The following NHS variants were observed in gnomAD, a reference collection of about 807,000 sequenced individuals.
NHS encodes the protein NHS actin remodeling regulator, also known as actin remodeling regulator NHS.
NHS carries 5 observed loss-of-function variants against 72.5 expected under a neutral mutation model. That is an observed-to-expected ratio of 0.07 (90% CI 0.04 to 0.14). The LOEUF (loss-of-function observed/expected upper bound fraction) is 0.14. Ranked by LOEUF, NHS falls within the 10% of genes least tolerant of loss-of-function variation. The pLI, the probability that NHS is intolerant of heterozygous loss-of-function variation, is 1.00. For missense variants in NHS, 1,072 were observed against 1,355.7 expected (o/e 0.79, Z 3.29); for synonymous variants, 464 against 547.7 (o/e 0.85, Z 2.13).
chrX:17,441,989 C>T (rs1435951836), intron 1 of NHS, among the ~76,000 whole-genome samples: 1 of 111,778 alleles, frequency 8.9e-6, no homozygotes, highest in Non-Finnish European at 1.9e-5. Context: ...CACCCCTGTC[C>T]CCAAGTTTCT....
intron 1 of NHS, among the ~76,000 whole-genome samples, chrX:17,611,458 A>G (rs752977249): frequency 1.8e-5 from 2 of 112,021 alleles, no homozygotes; most frequent in Non-Finnish European, 3.8e-5. Flanking sequence ...CCCTCCCCCT[A>G]CGGAAACATA....
intron 1 of NHS, among the ~76,000 whole-genome samples, chrX:17,527,834 C>T (rs2065180431): frequency 9.0e-6 from 1 of 111,272 alleles, no homozygotes; most frequent in Admixed American, 9.5e-5. Flanking sequence ...CTTCACTGCC[C>T]CCTTGGCCTG....
intron 1 of NHS, among the ~76,000 whole-genome samples, chrX:17,609,102 G>C (rs2065696364): frequency 9.0e-6 from 1 of 111,675 alleles, no homozygotes; most frequent in East Asian, 2.8e-4. Flanking sequence ...GGCTGTGCCA[G>C]GCCTCCAGGA....
chrX:17,600,826 A>G (rs746556904), intron 1 of NHS, among the ~76,000 whole-genome samples: 1 of 109,896 alleles, frequency 9.1e-6, no homozygotes, highest in Non-Finnish European at 1.9e-5. Context: ...AGAGAAGGAG[A>G]GAGAAAGGAG....
intron 5 of NHS, 25 bp downstream of exon 5, chrX:17,721,658 G>C: frequency 8.7e-7 from 1 of 1,154,901 alleles, no homozygotes; most frequent in Non-Finnish European, 1.2e-6. Flanking sequence ...TTTTCTTAGG[G>C]GCAGTCGGGT....
At chrX:17,702,382 C>G (rs1241125149) in intron 3 of NHS, among the ~76,000 whole-genome samples, 1 of 111,797 alleles carries the variant, frequency 8.9e-6, no homozygotes, top group African/African-American at 3.3e-5. Context: ...TTAAATGGAA[C>G]AGTAAGGCAT....
chrX:17,509,380 T>G (rs1460054340), intron 1 of NHS, among the ~76,000 whole-genome samples: 1 of 110,208 alleles, frequency 9.1e-6, no homozygotes, highest in Non-Finnish European at 1.9e-5. Flanking sequence ...GCACCCGCCA[T>G]GATGCCCAGC....
At chrX:17,709,496 T>A (rs2066316336) in intron 3 of NHS, among the ~76,000 whole-genome samples, 1 of 109,615 alleles carries the variant, frequency 9.1e-6, no homozygotes, top group Non-Finnish European at 1.9e-5. Context: ...TTCCATGTGC[T>A]TTATCAGTCA....
At chrX:17,503,819 G>T (rs1281834649) in intron 1 of NHS, among the ~76,000 whole-genome samples, 1 of 111,349 alleles carries the variant, frequency 9.0e-6, no homozygotes, top group Non-Finnish European at 1.9e-5. Flanking sequence ...ATTATTTTGG[G>T]TAAAATATTC....
intron 1 of NHS, among the ~76,000 whole-genome samples, chrX:17,380,791 T>C (rs1292369230): frequency 9.0e-6 from 1 of 111,559 alleles, no homozygotes. Context: ...GAAGGGTGAA[T>C]TGATGATCCT....
intron 1 of NHS, among the ~76,000 whole-genome samples, chrX:17,386,629 C>T (rs186261630): frequency 0.031 from 3,003 of 97,704 alleles, 142 homozygotes; most frequent in African/African-American, 0.11. Flanking sequence ...CACCATTGCA[C>T]GCCAGCCTGG....
intron 1 of NHS, among the ~76,000 whole-genome samples, chrX:17,618,567 A>G (rs1377899961): frequency 8.9e-6 from 1 of 112,058 alleles, no homozygotes; most frequent in African/African-American, 3.2e-5. Context: ...CTCACTTTGG[A>G]ATAGAGACAT....
chrX:17,516,855 G>A (rs2065124373), intron 1 of NHS, among the ~76,000 whole-genome samples: 1 of 112,155 alleles, frequency 8.9e-6, no homozygotes, highest in South Asian at 3.7e-4. Flanking sequence ...AAAAGCAAAA[G>A]CTTGTTGCAT....
intron 8 of NHS, among the ~76,000 whole-genome samples, chrX:17,730,914 T>C (rs1255837626): frequency 8.9e-6 from 1 of 111,839 alleles, no homozygotes; most frequent in Non-Finnish European, 1.9e-5. Context: ...TAGGAAATGA[T>C]ACTTGCAGCC....
intron 3 of NHS, among the ~76,000 whole-genome samples, chrX:17,696,483 G>A (rs898066482): frequency 8.0e-5 from 9 of 112,210 alleles, no homozygotes; most frequent in East Asian, 2.8e-4. Context: ...AAACAGGAGC[G>A]TTTGCCAGAG....
intron 1 of NHS, among the ~76,000 whole-genome samples, chrX:17,537,187 C>G (rs768818429): frequency 1.8e-5 from 2 of 112,266 alleles, no homozygotes; most frequent in African/African-American, 6.5e-5. Context: ...AGTGAAGTTT[C>G]TGGTAGATGT....
chrX:17,713,044 T>C (rs1215442410), intron 3 of NHS, among the ~76,000 whole-genome samples: 1 of 111,674 alleles, frequency 9.0e-6, no homozygotes, highest in East Asian at 2.8e-4. Flanking sequence ...AGAATGATGT[T>C]ACTAAACATG....
At chrX:17,605,739 T>G (rs2065675386) in intron 1 of NHS, among the ~76,000 whole-genome samples, 1 of 111,355 alleles carries the variant, frequency 9.0e-6, no homozygotes, top group Non-Finnish European at 1.9e-5. Flanking sequence ...CTCCTGTCCC[T>G]GCATACAATG....
At chrX:17,486,051 A>G (rs901576055) in intron 1 of NHS, among the ~76,000 whole-genome samples, 4 of 111,771 alleles carry the variant, frequency 3.6e-5, no homozygotes, top group Non-Finnish European at 7.5e-5. Context: ...ATTTCACTGC[A>G]GGAACTAAAC....
Sources: gnomAD v4.1 joint callset for allele counts (sites outside exome capture counted in the v4.1 genomes callset) on GRCh38, gnomAD v4.1.1 for gene constraint, MANE v1.5 for transcripts, NCBI Gene and HGNC (gene_info 2026-07-23, HGNC 2026-07-21) for gene names.